The following KCNIP4 variants were observed in gnomAD, a reference collection of about 807,000 sequenced individuals.
KCNIP4 encodes the protein potassium voltage-gated channel interacting protein 4.
A neutral mutation model predicts 34.0 loss-of-function variants in KCNIP4; 12 were observed. The observed-to-expected ratio is 0.35, with a 90% CI of 0.23 to 0.57. The LOEUF is 0.57. KCNIP4 is among the 20% of genes least tolerant of loss of function. The pLI is 0.83. For synonymous variants in KCNIP4, 124 were observed against 102.2 expected, an observed-to-expected ratio of 1.21 and a Z score of -1.29; for missense variants, 238 against 311.7, an observed-to-expected ratio of 0.76 and a Z score of 1.78.
At chr4:21,510,600 GT>G (rs949028546) in intron 1 of KCNIP4, among the ~76,000 whole-genome samples, 9 of 152,166 alleles carry the variant, frequency 5.9e-5, no homozygotes, top group African/African-American at 1.9e-4. Context: ...CCATTTACTG[GT>G]TGCTAGTTAC....
chr4:21,256,565 C>T (rs1042718178), intron 1 of KCNIP4, among the ~76,000 whole-genome samples: 1 of 152,006 alleles, frequency 6.6e-6, no homozygotes, highest in African/African-American at 2.4e-5. Context: ...TGCCATTGCA[C>T]TTCAGCCTGG....
chr4:20,929,561 A>G (rs1264617707), intron 1 of KCNIP4, among the ~76,000 whole-genome samples: 2 of 152,016 alleles, frequency 1.3e-5, no homozygotes. Context: ...GAAAGAAATA[A>G]AAAGCATTTA....
At chr4:20,922,613 C>A (rs1365528606) in intron 1 of KCNIP4, among the ~76,000 whole-genome samples, 3 of 150,812 alleles carry the variant, frequency 2.0e-5, no homozygotes, top group Admixed American at 1.3e-4. Context: ...CTCTGGAGAA[C>A]CCTGACTAAT....
chr4:21,626,991 AG>A (rs1387315195), intron 1 of KCNIP4, among the ~76,000 whole-genome samples: 6 of 152,166 alleles, frequency 3.9e-5, no homozygotes, highest in Non-Finnish European at 8.8e-5. Flanking sequence ...GTCCCGGCCT[AG>A]TCACTTTTAG....
chr4:21,672,024 GCTTA>G (rs1303619148), intron 1 of KCNIP4, among the ~76,000 whole-genome samples: 1 of 152,100 alleles, frequency 6.6e-6, no homozygotes, highest in African/African-American at 2.4e-5. Context: ...CCTGATTGAT[GCTTA>G]CTTAACTTAC....
At chr4:21,544,023 A>G (rs1441879637) in intron 1 of KCNIP4, among the ~76,000 whole-genome samples, 1 of 152,118 alleles carries the variant, frequency 6.6e-6, no homozygotes, top group Non-Finnish European at 1.5e-5. Context: ...TGTTAAATTG[A>G]TTTATTTTCT....
chr4:21,151,980 C>T (rs995925726), intron 1 of KCNIP4, among the ~76,000 whole-genome samples: 4 of 152,094 alleles, frequency 2.6e-5, no homozygotes, highest in South Asian at 2.1e-4. Flanking sequence ...AGGCTGGGTG[C>T]GGTGGCTCAT....
chr4:21,425,607 T>A (rs1012701354), intron 1 of KCNIP4, among the ~76,000 whole-genome samples: 1 of 152,328 alleles, frequency 6.6e-6, no homozygotes, highest in African/African-American at 2.4e-5. Context: ...TGAACGTATA[T>A]GCACACGTCA....
intron 1 of KCNIP4, among the ~76,000 whole-genome samples, chr4:21,636,779 A>G (rs1746202587): frequency 6.6e-6 from 1 of 152,230 alleles, no homozygotes; most frequent in Admixed American, 6.5e-5. Context: ...AATATAACAG[A>G]AACCATTCTA....
chr4:21,044,472 C>G (rs548423088), intron 1 of KCNIP4, among the ~76,000 whole-genome samples: 1 of 151,978 alleles, frequency 6.6e-6, no homozygotes, highest in South Asian at 2.1e-4. Context: ...CCACCATGCC[C>G]GGCTAATTTT....
intron 1 of KCNIP4, among the ~76,000 whole-genome samples, chr4:21,445,391 A>G (rs1483573286): frequency 6.6e-6 from 1 of 152,212 alleles, no homozygotes; most frequent in Middle Eastern, 3.2e-3. Context: ...AGGCTACAGT[A>G]ACCAAAACAG....
At chr4:20,780,550 ACT>A in intron 3 of KCNIP4, among the ~76,000 whole-genome samples, 1 of 152,308 alleles carries the variant, frequency 6.6e-6, no homozygotes. Flanking sequence ...CAATTTTCTT[ACT>A]TCAGGAACTG....
intron 1 of KCNIP4, among the ~76,000 whole-genome samples, chr4:21,282,175 T>G (rs1762817490): frequency 6.6e-6 from 1 of 152,364 alleles, no homozygotes; most frequent in South Asian, 2.1e-4. Context: ...GTCACGTAGC[T>G]ACCTGTAATT....
intron 6 of KCNIP4, 27 bp from the exon 7 acceptor site, chr4:20,732,812 G>C (rs1299512676): frequency 1.5e-6 from 2 of 1,327,566 alleles, no homozygotes; most frequent in Non-Finnish European, 2.2e-6. Flanking sequence ...ACTCACGTGA[G>C]GCTGCACACA....
chr4:21,136,599 C>T (rs1244920572), intron 1 of KCNIP4, among the ~76,000 whole-genome samples: 2 of 152,034 alleles, frequency 1.3e-5, no homozygotes, highest in African/African-American at 2.4e-5. Context: ...CATTAGGTAC[C>T]TCTCAAAGCC....
intron 1 of KCNIP4, among the ~76,000 whole-genome samples, chr4:21,124,242 G>A (rs1016200320): frequency 1.3e-5 from 2 of 152,096 alleles, no homozygotes; most frequent in East Asian, 3.9e-4. Context: ...ATGAGAGAAT[G>A]AGAAAGAAAA....
intron 3 of KCNIP4, among the ~76,000 whole-genome samples, chr4:20,818,980 GT>G (rs1716768173): frequency 7.5e-6 from 1 of 133,190 alleles, no homozygotes; most frequent in Admixed American, 8.5e-5. Context: ...TGCCTCCTGA[GT>G]TCAAGCGATT....
chr4:20,951,391 A>G (rs957779097), intron 1 of KCNIP4, among the ~76,000 whole-genome samples: 15 of 152,362 alleles, frequency 9.8e-5, no homozygotes, highest in African/African-American at 3.6e-4. Flanking sequence ...TGGTAGAAGT[A>G]TTAGATGAAT....
chr4:20,760,337 A>G lies in KCNIP4; in HGVS notation c.289-1447T>C, dbSNP rs1229668632. On this transcript the variant is annotated intron_variant, in intron 3 of 8. Coordinates refer to ENST00000382152, the MANE Select transcript of KCNIP4 (RefSeq NM_025221.6). Reference sequence around the variant, plus strand: ...GACTTTAGACATGAATATTCTGTGTACTCTAAATTTGATACTGTTTCCAGC... The same window carrying G: ...GACTTTAGACATGAATATTCTGTGTGCTCTAAATTTGATACTGTTTCCAGC... Among the ~76,000 whole-genome samples, 3 of 152,248 alleles carry G rather than the reference A, an allele frequency of 2.0e-5. No homozygotes were observed. In the East Asian group the frequency reaches 5.8e-4, roughly 29 times the overall value.
Sources: allele counts gnomAD v4.1 joint callset (sites outside exome capture counted in the v4.1 genomes callset), GRCh38; gene constraint gnomAD v4.1.1; transcripts MANE v1.5; gene names NCBI Gene and HGNC (gene_info 2026-07-23, HGNC 2026-07-21).